KIAA1614: variants seen among roughly 807,000 people sequenced by gnomAD.
KIAA1614 encodes KIAA1614.
KIAA1614 carries 76 observed loss-of-function variants against 88.7 expected under a neutral mutation model. That is an observed-to-expected ratio of 0.86 (90% CI 0.71 to 1.04). The LOEUF is 1.04. KIAA1614 is among the 50% of genes least tolerant of loss of function. The pLI is 0.00. For missense variants in KIAA1614, 1,553 were observed against 1,582.5 expected, an observed-to-expected ratio of 0.98 and a Z score of 0.32; for synonymous variants, 714 against 675.5, an observed-to-expected ratio of 1.06 and a Z score of -0.88.
rs371509718 is a variant in KIAA1614, at chr1:180,916,660, G to A, written c.557G>A (p.Trp186Ter). The change falls in exon 2 of 9, where the codon TGG becomes TAG. Residue 186 changes from tryptophan (W) to a stop codon, truncating the protein, a stop_gained. Transcript: ENST00000367588. LOFTEE classifies it high-confidence loss of function. ...GREYCNRGSP[W>*]PPEAEWTLPD... ...GAGTACTGCAACAGGGGGAGCCCGT[G>A]GCCTCCAGAAGCCGAATGGACACTT... is the stretch of plus-strand genomic sequence containing the variant. The A allele has an allele frequency of 3.4e-5, 55 of 1,601,102 alleles. No homozygotes were observed. The Admixed American group carries it at 7.4e-4, about 22-fold the overall frequency.
chr1:180,930,513 C>T (rs1654174229), intron 4 of KIAA1614, among the ~76,000 whole-genome samples: 2 of 152,208 alleles, frequency 1.3e-5, no homozygotes, highest in African/African-American at 4.8e-5. Flanking sequence ...GACTTCCAAG[C>T]AACTCTCCTG....
rs772837735 is a variant in KIAA1614, at chr1:180,917,929, C to T, written c.1061+15C>T. On this transcript the variant is annotated intron_variant, in intron 3 of 8. Coordinates refer to ENST00000367588, the MANE Select transcript of KIAA1614 (RefSeq NM_020950.2). ...GGCCAGAACAGGTAAGAGCTCAGAGCCCACATTTTCTCTCCCTCCCTCCTC... is the reference window on the plus strand; with the variant it reads ...GGCCAGAACAGGTAAGAGCTCAGAGTCCACATTTTCTCTCCCTCCCTCCTC... The T allele has an allele frequency of 6.2e-7, 1 of 1,610,058 alleles. No individual in the cohort carries two copies. Among genetic ancestry groups the T allele is most frequent in the South Asian group, 1.1e-5 (1 of 90,982 alleles).
chr1:180,939,129 TG>T (rs1654397628), intron 6 of KIAA1614, among the ~76,000 whole-genome samples: 1 of 151,588 alleles, frequency 6.6e-6, no homozygotes, highest in African/African-American at 2.4e-5. Flanking sequence ...AAGGGGGGAG[TG>T]GGGGAAGGGT....
rs568058599 is a variant in KIAA1614 at position 180,931,524 on chromosome 1, C to CA, written c.1205+2952dup. ...GGATTTGCTCAACGCTTAGCTGCCT[C>CA]ATTCGTCCTGCACTTGTCTCCAAAA... On this transcript the variant is annotated intron_variant, in intron 4 of 8. Transcript: ENST00000367588. 3.4e-3 allele frequency among the ~76,000 whole-genome samples: 511 copies of CA among 152,374 alleles called. 6 individuals carry two copies. Among genetic ancestry groups the CA allele is most frequent in the African/African-American group, 9.8e-3 (406 of 41,586 alleles).
At chr1:180,941,309 G>A in intron 7 of KIAA1614, 24 bp downstream of exon 7, 1 of 1,588,232 alleles carries the variant, frequency 6.3e-7, no homozygotes, top group African/African-American at 1.3e-5. Flanking sequence ...CCCCAGCCCA[G>A]GGAGTGAAGC....
chr1:180,935,162 G>T lies in KIAA1614; in HGVS notation c.1253G>T (p.Cys418Phe). ...PARDPRTTPA[C>F]RDSLQNGHTS... ...CGGGACCCCAGGACGACCCCTGCCT[G>T]CAGAGACAGCCTCCAGAACGGGCAC... Residue 418 changes from cysteine (C) to phenylalanine (F), a missense_variant, in exon 5 of 9, where the codon TGC becomes TTC. Physicochemically the swap from Cys to Phe is radical, Grantham distance 205 (BLOSUM62 -2). Transcript: ENST00000367588. The surrounding 1 kb of genome is among the most constrained non-coding windows in gnomAD (Gnocchi z 6.1). The T allele has an allele frequency of 6.8e-7, 1 of 1,462,608 alleles. No homozygotes were observed. 90.6% of individuals were successfully genotyped at this position (1,462,608 alleles called of 1,614,324 possible). A position where few individuals can be genotyped will look rare whatever the true frequency, so the allele number is the denominator to read the frequency against.
Position 180,925,124 on chromosome 1 carries a change from C to T in KIAA1614, c.1062-3306C>T, listed in dbSNP as rs572555254. 7.2e-5 allele frequency among the ~76,000 whole-genome samples: 11 copies of T among 152,210 alleles called. No homozygotes were observed. In the South Asian group the frequency reaches 1.9e-3, roughly 26 times the overall value. On this transcript the variant is annotated intron_variant, in intron 3 of 8. Transcript: ENST00000367588. ...GCTGCCCCCAAGCCACACACTTCCC[C>T]GCCACTCTAGGCTGTGTCCTGTCCA...
In KIAA1614 at chr1:180,939,797, C is replaced by T. The variant is rs531040793; in HGVS notation, c.2918+1086C>T. Among the ~76,000 whole-genome samples, 264 of 152,268 alleles carry T rather than the reference C, an allele frequency of 1.7e-3. 1 individual carries two copies. Among genetic ancestry groups the T allele is most frequent in the Middle Eastern group, 3.4e-3 (1 of 294 alleles). ...GTGGTTGGTCCTGCTTTGTGGAATC[C>T]GCCTTGCCTGCCTGTCTGACCTCAT... On this transcript the variant is annotated intron_variant, in intron 6 of 8. Transcript: ENST00000367588.
Position 180,936,161 on chromosome 1 carries a change from C to T in KIAA1614, c.2252C>T (p.Ala751Val), listed in dbSNP as rs777522200. Reference sequence around the variant, plus strand: ...TGCAGGACAGCCTATGCCACCACCGCCCCCATGACGCCTGAATCATCGGGG... The same window carrying T: ...TGCAGGACAGCCTATGCCACCACCGTCCCCATGACGCCTGAATCATCGGGG... ...TPCRTAYATT[A>V]PMTPESSGPG... The change falls in exon 5 of 9, where the codon GCC (alanine) becomes GTC (valine). Residue 751 changes from alanine (A) to valine (V), a missense_variant. By Grantham distance (64) the Ala-to-Val change is moderately conservative. Transcript: ENST00000367588. 1.2e-4 allele frequency: 199 copies of T among 1,614,030 alleles called. No homozygotes were observed. The highest frequency in any genetic ancestry group is 1.6e-4 in the Non-Finnish European group (189 of 1,180,022).
In KIAA1614 at chr1:180,913,424, C is replaced by T. The variant is rs552848481; in HGVS notation, c.50+131C>T. ...CCCACGGGCTCGGAGCTGGAAGGGT[C>T]GTGGGGAGGCCCGCCCTTCACGTCC... On this transcript the variant is annotated intron_variant, in intron 1 of 8. Coordinates refer to ENST00000367588, the MANE Select transcript of KIAA1614 (RefSeq NM_020950.2). 1.5e-5 allele frequency: 7 copies of T among 478,876 alleles called. No homozygotes were observed. In the Admixed American group the frequency reaches 3.1e-4, roughly 21 times the overall value. 29.7% of individuals were successfully genotyped at this position (478,876 alleles called of 1,614,324 possible).
Position 180,944,394 on chromosome 1 carries a change from A to G in KIAA1614, c.3165A>G (p.Ser1055=), listed in dbSNP as rs973970567. ...TATTGTCCCTTTCTCATCAGGTGTC[A>G]CCCTCTCACCAGCGTCGGAAAGCTG... is the stretch of plus-strand genomic sequence containing the variant. ...APSLQSLHPV[S]PSHQRRKAAS... is the part of the protein sequence containing the mutation. The change falls in exon 8 of 9, where the codon TCA becomes TCG. Residue 1055 remains serine, a synonymous_variant. Coordinates refer to ENST00000367588, the MANE Select transcript of KIAA1614 (RefSeq NM_020950.2). 9.3e-6 allele frequency: 15 copies of G among 1,613,266 alleles called. No individual in the cohort carries two copies. In the African/African-American group the frequency reaches 1.3e-4, roughly 14 times the overall value.
intron 4 of KIAA1614, among the ~76,000 whole-genome samples, chr1:180,934,338 C>T (rs1654269238): frequency 6.6e-6 from 1 of 151,762 alleles, no homozygotes; most frequent in African/African-American, 2.4e-5. Flanking sequence ...CCTGTAATAC[C>T]AGAACTTTGG....
intron 3 of KIAA1614, among the ~76,000 whole-genome samples, chr1:180,922,487 G>A (rs1653977688): frequency 6.6e-6 from 1 of 152,048 alleles, no homozygotes; most frequent in African/African-American, 2.4e-5. Context: ...TCCTTGGGGG[G>A]TAAAAACTCC....
At position 180,943,548 on chromosome 1, in the gene KIAA1614, A is replaced by ATTTTTTTTTTTTTTTTTTTTTTTTTT. The variant is rs201999726; in HGVS notation, c.3160-840_3160-839insTTTTTTTTTTTTTTTTTTTTTTTTTT. Among the ~76,000 whole-genome samples the ATTTTTTTTTTTTTTTTTTTTTTTTTT allele has an allele frequency of 2.6e-3, 193 of 74,790 alleles. 44 individuals are homozygous for ATTTTTTTTTTTTTTTTTTTTTTTTTT. Among genetic ancestry groups the ATTTTTTTTTTTTTTTTTTTTTTTTTT allele is most frequent in the African/African-American group, 7.1e-3 (126 of 17,692 alleles). 49.1% of individuals were successfully genotyped at this position (74,790 alleles called of 152,430 possible). ...GGATTGTAGGATTGAATGGTAGTAG[A>ATTTTTTTTTTTTTTTTTTTTTTTTTT]TCTTTTTTTTTTTTTTTTGAGACAG... On this transcript the variant is annotated intron_variant, in intron 7 of 8. Transcript: ENST00000367588.
At position 180,917,916 on chromosome 1, in the gene KIAA1614, T is replaced by C; in HGVS notation, c.1061+2T>C. ...CTTGCAGGACTCCGGCCAGAACAGG[T>C]AAGAGCTCAGAGCCCACATTTTCTC... On this transcript the variant is annotated splice_donor_variant, in intron 3 of 8. Transcript: ENST00000367588. LOFTEE classifies it high-confidence loss of function. 6.2e-7 allele frequency: 1 copy of C among 1,613,098 alleles called. No individual in the cohort carries two copies. Among genetic ancestry groups the C allele is most frequent in the Non-Finnish European group, 8.5e-7 (1 of 1,179,354 alleles).
At chr1:180,926,805 G>T (rs1654080518) in intron 3 of KIAA1614, among the ~76,000 whole-genome samples, 1 of 152,254 alleles carries the variant, frequency 6.6e-6, no homozygotes, top group South Asian at 2.1e-4. Flanking sequence ...AGCCGCCTTG[G>T]AGGAGCTGTC....
At position 180,941,267 on chromosome 1, in the gene KIAA1614, G is replaced by A. The variant is rs760182983; in HGVS notation, c.3141G>A (p.Ser1047=). 7 of 1,610,098 alleles carry A rather than the reference G, an allele frequency of 4.3e-6. No homozygotes were observed. Among genetic ancestry groups the A allele is most frequent in the Admixed American group, 1.7e-5 (1 of 59,892 alleles). ...TGACGTCACAGTCCAGGGCCCCATC[G>A]TTACAATCCCTGCACCCGGTGAGTC... ...PGLTSQSRAP[S]LQSLHPVSPS... is the part of the protein sequence containing the mutation. The change falls in exon 7 of 9, where the codon TCG becomes TCA. Residue 1047 remains serine, a synonymous_variant. Transcript: ENST00000367588.
chr1:180,937,591 C>T (rs180990566), intron 5 of KIAA1614, among the ~76,000 whole-genome samples: 21 of 152,304 alleles, frequency 1.4e-4, no homozygotes, highest in Admixed American at 1.0e-3. Context: ...AATGTGACCA[C>T]GGCTCTGACA....
chr1:180,949,584 G>A lies in KIAA1614; in HGVS notation c.*3996G>A, dbSNP rs1457802989. On this transcript the variant is annotated 3_prime_UTR_variant, in exon 9 of 9. Coordinates refer to ENST00000367588, the MANE Select transcript of KIAA1614 (RefSeq NM_020950.2). The stretch of plus-strand genomic sequence containing the variant: ...CGGAGCCTGGCAAAGAAGCAGAGAA[G>A]CTAGTTCCCGCAGGCTGGCTCTTGG... 2.0e-5 allele frequency: 3 copies of A among 152,350 alleles called. No individual in the cohort carries two copies. Among genetic ancestry groups the A allele is most frequent in the Non-Finnish European group, 4.4e-5 (3 of 68,116 alleles). The allele number at this position is 152,350 out of a possible 1,614,324, so 9.4% of individuals were successfully genotyped here.
Sources: gnomAD v4.1 joint callset for allele counts (sites outside exome capture counted in the v4.1 genomes callset) on GRCh38, gnomAD v4.1.1 for gene constraint, Gnocchi (gnomAD v3.1) non-coding constraint, MANE v1.5 for transcripts, NCBI Gene and HGNC (gene_info 2026-07-23, HGNC 2026-07-21) for gene names.